Variants in GPC5 observed in about 807,000 individuals in gnomAD.
GPC5 encodes the protein glypican 5, also known as glypican-5.
A neutral mutation model predicts 53.9 loss-of-function variants in GPC5; 47 were observed. The ratio of observed to expected loss-of-function variants is 0.87; its 90% CI spans 0.69 to 1.11. The LOEUF is 1.11. Among genes scored for constraint, GPC5 ranks in the 50% most tolerant of loss-of-function variants. The probability of loss-of-function intolerance (pLI) is 0.00; values close to 1 mark genes in which losing one functional copy is unlikely to be tolerated. For synonymous variants in GPC5, 286 were observed against 263.3 expected (o/e 1.09, Z -0.84); for missense variants, 748 against 713.1 (o/e 1.05, Z -0.56).
At chr13:91,846,967 C>G (rs2038856297) in intron 5 of GPC5, among the ~76,000 whole-genome samples, 3 of 151,976 alleles carry the variant, frequency 2.0e-5, no homozygotes, top group African/African-American at 7.2e-5. Flanking sequence ...CTCCTGTAAT[C>G]CCAGCACTTT....
At chr13:92,740,944 G>GTATATA (rs1421237068) in intron 7 of GPC5, among the ~76,000 whole-genome samples, 1 of 96,886 alleles carries the variant, frequency 1.0e-5, no homozygotes, top group Non-Finnish European at 2.2e-5. Context: ...ATGTATGTGT[G>GTATATA]TATATATATG....
intron 7 of GPC5, among the ~76,000 whole-genome samples, chr13:92,274,947 G>C (rs1245210769): frequency 6.6e-6 from 1 of 151,670 alleles, no homozygotes; most frequent in Non-Finnish European, 1.5e-5. Flanking sequence ...GTAGAATAAG[G>C]TACTGAAAAG....
At chr13:92,400,780 C>A (rs1233300285) in intron 7 of GPC5, among the ~76,000 whole-genome samples, 1 of 152,148 alleles carries the variant, frequency 6.6e-6, no homozygotes, top group East Asian at 1.9e-4. Flanking sequence ...AATTAAATAA[C>A]CTTCCAAATA....
intron 7 of GPC5, among the ~76,000 whole-genome samples, chr13:92,710,887 T>TCACA (rs1888114290): frequency 1.3e-5 from 2 of 152,220 alleles, no homozygotes; most frequent in African/African-American, 4.8e-5. Context: ...GATGAATTTG[T>TCACA]TGAAAATATA....
chr13:92,464,501 A>G (rs767418439), intron 7 of GPC5, among the ~76,000 whole-genome samples: 28 of 150,540 alleles, frequency 1.9e-4, no homozygotes, highest in Non-Finnish European at 3.5e-4. Flanking sequence ...CATTAACCCT[A>G]AAGAAAGAGA....
chr13:92,737,002 A>T (rs1431702011), intron 7 of GPC5, among the ~76,000 whole-genome samples: 2 of 152,022 alleles, frequency 1.3e-5, no homozygotes, highest in Non-Finnish European at 2.9e-5. Context: ...CCTAATACAG[A>T]TGCCACTTCT....
intron 7 of GPC5, among the ~76,000 whole-genome samples, chr13:92,560,886 T>TGC (rs1196056609): frequency 6.6e-6 from 1 of 151,524 alleles, no homozygotes; most frequent in Non-Finnish European, 1.5e-5. Context: ...TGTGTGTGTG[T>TGC]GTGTGTGTGT....
chr13:91,641,244 C>T (rs1220147960), intron 2 of GPC5, among the ~76,000 whole-genome samples: 1 of 152,178 alleles, frequency 6.6e-6, no homozygotes, highest in Admixed American at 6.5e-5. Flanking sequence ...AGGAGAATGG[C>T]GTGAACCCAG....
chr13:92,109,065 T>TG (rs1378895587), intron 6 of GPC5, among the ~76,000 whole-genome samples: 1 of 140,814 alleles, frequency 7.1e-6, no homozygotes, highest in Non-Finnish European at 1.5e-5. Context: ...ATGTTGGTTT[T>TG]TTTTTTTTTT....
At chr13:91,697,363 A>G (rs764229651) in intron 3 of GPC5, among the ~76,000 whole-genome samples, 2 of 152,108 alleles carry the variant, frequency 1.3e-5, no homozygotes, top group Non-Finnish European at 2.9e-5. Context: ...GGCTGGTCTC[A>G]AACTCCTGAC....
chr13:92,125,699 A>G (rs111604933), intron 6 of GPC5, among the ~76,000 whole-genome samples: 1 of 152,132 alleles, frequency 6.6e-6, no homozygotes, highest in Non-Finnish European at 1.5e-5. Context: ...CTTTCTGAGC[A>G]TCTGTGATGT....
At chr13:91,687,485 C>T (rs1315253291) in intron 2 of GPC5, among the ~76,000 whole-genome samples, 1 of 151,940 alleles carries the variant, frequency 6.6e-6, no homozygotes, top group Non-Finnish European at 1.5e-5. Flanking sequence ...TGCAGATAAA[C>T]TTCATGCATT....
intron 7 of GPC5, among the ~76,000 whole-genome samples, chr13:92,421,573 C>T (rs981447572): frequency 5.9e-5 from 9 of 151,672 alleles, no homozygotes; most frequent in Admixed American, 5.3e-4. Flanking sequence ...GTGGCGGGCA[C>T]CTGTAGTCCC....
At chr13:92,406,993 G>T (rs936440391) in intron 7 of GPC5, among the ~76,000 whole-genome samples, 1 of 151,838 alleles carries the variant, frequency 6.6e-6, no homozygotes, top group Non-Finnish European at 1.5e-5. Context: ...TTCTAGTTAA[G>T]GTTTGAATAA....
intron 7 of GPC5, among the ~76,000 whole-genome samples, chr13:92,651,164 C>G (rs1307775296): frequency 1.3e-5 from 2 of 148,664 alleles, no homozygotes; most frequent in African/African-American, 4.9e-5. Context: ...AATAAACTCC[C>G]CTTTATATAT....
chr13:92,176,976 A>G (rs756811085), intron 7 of GPC5, among the ~76,000 whole-genome samples: 1 of 152,232 alleles, frequency 6.6e-6, no homozygotes, highest in Non-Finnish European at 1.5e-5. Context: ...CAAGCCAGAC[A>G]TGACCTCCCA....
intron 1 of GPC5, among the ~76,000 whole-genome samples, chr13:91,399,912 C>T (rs1214702175): frequency 6.6e-6 from 1 of 152,140 alleles, no homozygotes; most frequent in Non-Finnish European, 1.5e-5. Context: ...ATGAGATGTA[C>T]CAGCGTTCCA....
Position 91,545,660 on chromosome 13 carries a change from C to A in GPC5, c.325+96738C>A, listed in dbSNP as rs573813806. Among the ~76,000 whole-genome samples, 12 of 152,140 alleles carry A rather than the reference C, an allele frequency of 7.9e-5. No homozygotes were observed. In the South Asian group the frequency reaches 2.3e-3, roughly 29 times the overall value. ...AGATCTCTCAAGCTTCTTAATCTTG[C>A]TTGACTAAAATTTTTATGCCTCTTG... On this transcript the variant is annotated intron_variant, in intron 2 of 7. Coordinates refer to ENST00000377067, the MANE Select transcript of GPC5 (RefSeq NM_004466.6).
At chr13:92,548,178 A>T (rs189667745) in intron 7 of GPC5, among the ~76,000 whole-genome samples, 96 of 151,810 alleles carry the variant, frequency 6.3e-4, no homozygotes, top group Non-Finnish European at 1.1e-3. Context: ...AAAAGTTGAG[A>T]TCCACCTGTA....
Sources: allele counts gnomAD v4.1 joint callset (sites outside exome capture counted in the v4.1 genomes callset), GRCh38; gene constraint gnomAD v4.1.1; transcripts MANE v1.5; gene names NCBI Gene and HGNC (gene_info 2026-07-23, HGNC 2026-07-21).